The following SUN1 variants were observed in gnomAD, a reference collection of about 807,000 sequenced individuals.
SUN1 encodes the protein Sad1 and UNC84 domain containing 1.
SUN1 carries 61 observed loss-of-function variants against 103.2 expected under a neutral mutation model. That is an observed-to-expected ratio of 0.59 (90% CI 0.48 to 0.73). SUN1 has a LOEUF of 0.73. SUN1 is among the 30% of genes least tolerant of loss of function. SUN1 has a pLI of 0.00. For synonymous variants in SUN1, 490 were observed against 425.7 expected (o/e 1.15, Z -1.86); for missense variants, 1,052 against 1,034.6 (o/e 1.02, Z -0.23).
At chr7:832,019 G>GT (rs1798450379), upstream of SUN1, 1 of 987,640 alleles carries the variant, frequency 1.0e-6, no homozygotes, top group Non-Finnish European at 1.2e-6. Context: ...TCACCCTGCA[G>GT]TTTCTTTTCT....
intron 1 of SUN1, among the ~76,000 whole-genome samples, chr7:824,305 A>T (rs1459535807): frequency 6.6e-6 from 1 of 152,258 alleles, no homozygotes; most frequent in East Asian, 1.9e-4. Context: ...GTCCAGACCC[A>T]GCACGGGCTC....
In SUN1 at chr7:852,798, C is replaced by T; in HGVS notation, c.911-12C>T. 6.2e-7 allele frequency: 1 copy of T among 1,610,890 alleles called. No homozygotes were observed. Among genetic ancestry groups the T allele is most frequent in the Non-Finnish European group, 8.5e-7 (1 of 1,177,960 alleles). Reference sequence around the variant, plus strand: ...GTGTACCTGTGTGTGTGTGGTGGCTCTTCTCTTTTAGCAGGTCTCTCCTTA... The same window carrying T: ...GTGTACCTGTGTGTGTGTGGTGGCTTTTCTCTTTTAGCAGGTCTCTCCTTA... On this transcript the variant is annotated splice_polypyrimidine_tract_variant and intron_variant, in intron 8 of 18. Transcript: ENST00000401592.
At chr7:861,293 G>C (rs1832019636) in intron 14 of SUN1, 87 bp from the exon 15 acceptor site, 16 of 1,302,916 alleles carry the variant, frequency 1.2e-5, no homozygotes, top group Admixed American at 1.7e-5. Context: ...TCTAATGTAA[G>C]TGTCTGGTCC....
chr7:869,137 T>G, intron 16 of SUN1: 1 of 604,650 alleles, frequency 1.7e-6, no homozygotes, highest in Non-Finnish European at 2.9e-6. Flanking sequence ...CTGGTCGTTT[T>G]AACTTTTATA....
intron 11 of SUN1, 34 bp from the exon 12 acceptor site, chr7:856,324 T>G: frequency 1.2e-6 from 2 of 1,603,742 alleles, no homozygotes; most frequent in South Asian, 1.1e-5. Flanking sequence ...ATATAACTTA[T>G]GTGTTTCAGT....
intron 10 of SUN1, among the ~76,000 whole-genome samples, chr7:854,476 A>G (rs886429530): frequency 5.9e-5 from 9 of 152,248 alleles, no homozygotes; most frequent in African/African-American, 2.2e-4. Flanking sequence ...CTCAGTAGCC[A>G]TGAGTGGCTG....
Position 843,413 on chromosome 7 carries a change from CCTGCAGCAA to C in SUN1, c.560_568del (p.Asn187_Ser189del). On this transcript the variant is annotated inframe_deletion, in exon 5 of 19. Transcript: ENST00000401592. ...GCCGCCACCGCGCACAACGGCTTCT[CCTGCAGCAA>C]CTGCAGCATGCTGTCCGAGCGCAAG... The C allele has an allele frequency of 6.2e-7, 1 of 1,613,818 alleles. No homozygotes were observed. Among genetic ancestry groups the C allele is most frequent in the Non-Finnish European group, 8.5e-7 (1 of 1,179,770 alleles).
chr7:853,138 ACT>A (rs1823831468), intron 9 of SUN1, 186 bp downstream of exon 9: 6 of 804,080 alleles, frequency 7.5e-6, no homozygotes, highest in Non-Finnish European at 1.1e-5. Context: ...CATTTAAAGT[ACT>A]CTCATGATTC....
intron 1 of SUN1, among the ~76,000 whole-genome samples, chr7:827,076 G>A (rs1792834745): frequency 6.6e-6 from 1 of 152,154 alleles, no homozygotes; most frequent in Non-Finnish European, 1.5e-5. Flanking sequence ...AGGCTGGAGT[G>A]CAGCGGCAGA....
chr7:844,019 T>C, intron 5 of SUN1: 1 of 422,442 alleles, frequency 2.4e-6, no homozygotes. Flanking sequence ...CACACGTGAC[T>C]CTGGTTTGTT....
At chr7:825,394 T>A (rs1474062411) in intron 1 of SUN1, among the ~76,000 whole-genome samples, 1 of 152,206 alleles carries the variant, frequency 6.6e-6, no homozygotes, top group Non-Finnish European at 1.5e-5. Context: ...ATAAAACCAA[T>A]ACCTGCTCTT....
intron 15 of SUN1, among the ~76,000 whole-genome samples, chr7:864,655 GTC>G (rs2128487953): frequency 1.5e-5 from 1 of 68,522 alleles, no homozygotes; most frequent in Admixed American, 1.7e-4. Context: ...GAGACAAAGA[GTC>G]TCGCTCTGTC....
At position 854,929 on chromosome 7, in the gene SUN1, A is replaced by T; in HGVS notation, c.1273A>T (p.Met425Leu). The T allele has an allele frequency of 6.2e-7, 1 of 1,612,826 alleles. No homozygotes were observed. The highest frequency in any genetic ancestry group is 8.5e-7 in the Non-Finnish European group (1 of 1,179,504). ...VGQPPRETDF[M>L]AFHQEHEVRM... is the part of the protein sequence containing the mutation. ...CCTTCTCTTTCCTAAGACTGACTTT[A>T]TGGCCTTTCACCAAGAACATGAAGT... Residue 425 changes from methionine (M) to leucine (L), a missense_variant, in exon 11 of 19, where the codon ATG becomes TTG. Met to Leu is a conservative substitution (Grantham distance 15). Coordinates refer to ENST00000401592, the MANE Select transcript of SUN1 (RefSeq NM_001130965.3).
chr7:832,007 A>C (rs1358261301), upstream of SUN1: 1 of 986,032 alleles, frequency 1.0e-6, no homozygotes, highest in Admixed American at 6.1e-5. Context: ...CTTTTTTGTT[A>C]TTCACCCTGC....
At chr7:865,628 T>C (rs10245928) in intron 15 of SUN1, among the ~76,000 whole-genome samples, 69,310 of 151,998 alleles carry the variant, frequency 0.46, 15,894 homozygotes, top group Middle Eastern at 0.51. Flanking sequence ...CCAGATCATA[T>C]GGTAGCTCTG....
intron 5 of SUN1, among the ~76,000 whole-genome samples, chr7:847,573 C>T (rs1251812965): frequency 3.6e-4 from 11 of 30,924 alleles, no homozygotes; most frequent in East Asian, 3.0e-3. Flanking sequence ...TGGGGGTTAC[C>T]CCGCAGCGCC....
chr7:832,850 A>T lies in SUN1; in HGVS notation c.77+249A>T, dbSNP rs1430856768. The stretch of plus-strand genomic sequence containing the variant: ...CACATGGCTTGCTGGCTTCGACCCC[A>T]CCCAGGTGGTTGTGATGTTGAGAAG... On this transcript the variant is annotated intron_variant, in intron 1 of 18. Coordinates refer to ENST00000401592, the MANE Select transcript of SUN1 (RefSeq NM_001130965.3). 8.8e-6 allele frequency: 4 copies of T among 455,648 alleles called. No individual in the cohort carries two copies. The Admixed American group carries it at 1.5e-4, about 17-fold the overall frequency. The allele number at this position is 455,648 out of a possible 1,614,324, so 28.2% of individuals were successfully genotyped here.
intron 2 of SUN1, among the ~76,000 whole-genome samples, chr7:841,659 C>A (rs1453893202): frequency 6.6e-6 from 1 of 152,086 alleles, no homozygotes; most frequent in African/African-American, 2.4e-5. Flanking sequence ...ATTTTCAGAT[C>A]TTTTTTATTT....
chr7:842,513 A>G (rs1249491578), intron 3 of SUN1: 1 of 213,214 alleles, frequency 4.7e-6, no homozygotes, highest in Non-Finnish European at 1.0e-5. Flanking sequence ...CAAAAACTTC[A>G]GTGTGTTTCC....
Sources: allele counts gnomAD v4.1 joint callset (sites outside exome capture counted in the v4.1 genomes callset), GRCh38; gene constraint gnomAD v4.1.1; transcripts MANE v1.5; gene names NCBI Gene and HGNC (gene_info 2026-07-23, HGNC 2026-07-21).